Variants in AFF2 observed in about 807,000 individuals in gnomAD.
AFF2 encodes the protein AF4/FMR2 family member 2.
A neutral mutation model predicts 76.9 loss-of-function variants in AFF2; 14 were observed. The ratio of observed to expected loss-of-function variants is 0.18; its 90% CI spans 0.12 to 0.28. The LOEUF is 0.28. Among genes scored for constraint, AFF2 ranks in the 10% least tolerant of loss-of-function variants. The pLI is 1.00. For missense variants in AFF2, 868 were observed against 1,001.1 expected, an observed-to-expected ratio of 0.87 and a Z score of 1.79; for synonymous variants, 398 against 366.7, an observed-to-expected ratio of 1.09 and a Z score of -0.98.
intron 3 of AFF2, among the ~76,000 whole-genome samples, chrX:148,720,123 T>C (rs1247534722): frequency 9.0e-6 from 1 of 110,969 alleles, no homozygotes; most frequent in African/African-American, 3.3e-5. Flanking sequence ...CTCAGTGAGA[T>C]CTATGAGCAT....
At chrX:148,775,501 T>A (rs1557268472) in intron 3 of AFF2, among the ~76,000 whole-genome samples, 10 of 112,349 alleles carry the variant, frequency 8.9e-5, no homozygotes, top group Non-Finnish European at 3.8e-5. Flanking sequence ...ATGGCAAGTG[T>A]AACAAATTAC....
rs782381902 is a variant in AFF2 at position 148,661,990 on chromosome X, A to G, written c.263A>G (p.His88Arg). 2 of 1,209,702 alleles carry G rather than the reference A, an allele frequency of 1.7e-6. No homozygotes were observed. The highest frequency in any genetic ancestry group is 2.2e-5 in the Admixed American group (1 of 46,021). The change falls in exon 3 of 21, where the codon CAT (histidine) becomes CGT (arginine). Residue 88 changes from histidine (H) to arginine (R), a missense_variant. Transcript: ENST00000370460. ...YDEMKNLLTN[H>R]SNQNHLVGIP... The stretch of plus-strand genomic sequence containing the variant: ...GAAATGAAGAATTTGCTAACTAACC[A>G]TTCTAATCAGAATCACCTAGTGGGA...
chrX:148,794,863 G>A (rs1337968949), intron 3 of AFF2, among the ~76,000 whole-genome samples: 1 of 111,622 alleles, frequency 9.0e-6, no homozygotes, highest in Non-Finnish European at 1.9e-5. Context: ...TTAAACAACA[G>A]CAGCATGAAA....
chrX:148,616,103 G>A (rs549482143), intron 1 of AFF2, among the ~76,000 whole-genome samples: 42 of 111,693 alleles, frequency 3.8e-4, no homozygotes, highest in African/African-American at 1.3e-3. Flanking sequence ...TGCTTACCTT[G>A]TTCTTGTCTG....
chrX:148,737,829 C>T (rs986725765), intron 3 of AFF2, among the ~76,000 whole-genome samples: 6 of 111,157 alleles, frequency 5.4e-5, no homozygotes, highest in East Asian at 5.6e-4. Flanking sequence ...AATCATAAAG[C>T]GATGTTGGGT....
chrX:148,737,318 T>C (rs1299195910), intron 3 of AFF2, among the ~76,000 whole-genome samples: 1 of 111,715 alleles, frequency 9.0e-6, no homozygotes, highest in African/African-American at 3.3e-5. Flanking sequence ...GTTTTCCTTG[T>C]AGATGTTTTT....
intron 1 of AFF2, among the ~76,000 whole-genome samples, chrX:148,576,214 A>G (rs1354677207): frequency 8.9e-6 from 1 of 111,974 alleles, no homozygotes; most frequent in Admixed American, 9.5e-5. Flanking sequence ...TAACTGGATT[A>G]TCTGATTTCC....
At chrX:148,981,551 G>A (rs1030068130) in intron 19 of AFF2, among the ~76,000 whole-genome samples, 1 of 111,174 alleles carries the variant, frequency 9.0e-6, no homozygotes, top group East Asian at 2.8e-4. Context: ...GAGTGAGTTC[G>A]AATCCCAGTT....
At chrX:148,980,125 A>G (rs16994912) in intron 18 of AFF2, among the ~76,000 whole-genome samples, 1,571 of 112,150 alleles carry the variant, frequency 0.014, 23 homozygotes, top group African/African-American at 0.044. Flanking sequence ...AAGGAAGCCC[A>G]TCCTTTAAAC....
intron 3 of AFF2, among the ~76,000 whole-genome samples, chrX:148,665,216 A>T (rs1300499496): frequency 1.8e-5 from 2 of 112,029 alleles, no homozygotes; most frequent in Non-Finnish European, 3.8e-5. Flanking sequence ...GCTGACCCAG[A>T]TTCAGAAATG....
At chrX:148,723,056 G>A (rs241087) in intron 3 of AFF2, among the ~76,000 whole-genome samples, 28,826 of 110,650 alleles carry the variant, frequency 0.26, 4,305 homozygotes, top group African/African-American at 0.56. Context: ...GTGTACCACA[G>A]TCCCTAATTA....
chrX:148,860,541 C>G (rs781787970), intron 7 of AFF2, among the ~76,000 whole-genome samples: 5 of 111,509 alleles, frequency 4.5e-5, no homozygotes, highest in Non-Finnish European at 9.4e-5. Flanking sequence ...TAGGGCTGAG[C>G]TGTGCAGCGT....
At position 148,510,979 on chromosome X, in the gene AFF2, G is replaced by C. The variant is rs181122178; in HGVS notation, c.47+9835G>C. Among the ~76,000 whole-genome samples the C allele has an allele frequency of 2.4e-4, 27 of 112,049 alleles. No homozygotes were observed. The East Asian group carries it at 6.5e-3, about 27-fold the overall frequency. ...ATGAGCAGACAGGTGGGTACAGGTA[G>C]GTGTGTTGCCTTGCCTTCTGTACAT... is the stretch of plus-strand genomic sequence containing the variant. On this transcript the variant is annotated intron_variant, in intron 1 of 20. Coordinates refer to ENST00000370460, the MANE Select transcript of AFF2 (RefSeq NM_002025.4).
intron 9 of AFF2, among the ~76,000 whole-genome samples, chrX:148,929,252 C>A (rs1012422187): frequency 4.8e-4 from 54 of 112,493 alleles, no homozygotes; most frequent in Non-Finnish European, 6.4e-4. Flanking sequence ...GCCAGTCTAT[C>A]CAGATCTTTA....
rs1297297086 is a variant in AFF2 at position 148,953,798 on chromosome X, AACACACACACACACAGACAC to A, written c.1557+75_1557+94del. ...TGCCTGTCCCACAGGCAGCACCCTC[AACACACACACACACAGACAC>A]ACACACACACACACACACTTTCAGC... On this transcript the variant is annotated intron_variant, in intron 10 of 20. Coordinates refer to ENST00000370460, the MANE Select transcript of AFF2 (RefSeq NM_002025.4). 7 of 836,897 alleles carry A rather than the reference AACACACACACACACAGACAC, an allele frequency of 8.4e-6. No individual in the cohort carries two copies. In the South Asian group the frequency reaches 1.2e-4, roughly 14 times the overall value. The allele number at this position is 836,897 out of a possible 1,213,427, so 69.0% of individuals were successfully genotyped here.
rs147733086 is a variant in AFF2, at chrX:148,663,066, G to A, written c.1041+298G>A. Among the ~76,000 whole-genome samples, 473 of 112,463 alleles carry A rather than the reference G, an allele frequency of 4.2e-3. 4 individuals are homozygous for A. The highest frequency in any genetic ancestry group is 0.014 in the African/African-American group (449 of 30,978). On this transcript the variant is annotated intron_variant, in intron 3 of 20. Transcript: ENST00000370460. ...TAAAATACAGTTGTGGTAATACTAT[G>A]TATAAATTAATAACATTTGAGATTA...
chrX:148,617,468 T>C (rs1023096958), intron 1 of AFF2, among the ~76,000 whole-genome samples: 1 of 112,177 alleles, frequency 8.9e-6, no homozygotes, highest in African/African-American at 3.2e-5. Context: ...AGATTCTGGA[T>C]ATTAGCCCTT....
At chrX:148,694,877 G>A (rs1003731875) in intron 3 of AFF2, among the ~76,000 whole-genome samples, 2 of 97,039 alleles carry the variant, frequency 2.1e-5, no homozygotes, top group African/African-American at 3.9e-5. Context: ...GTGCAGTGGC[G>A]CGATCTCTGC....
intron 7 of AFF2, among the ~76,000 whole-genome samples, chrX:148,853,867 A>T (rs1214115409): frequency 9.0e-6 from 1 of 111,551 alleles, no homozygotes; most frequent in Non-Finnish European, 1.9e-5. Flanking sequence ...GCATTTTTCC[A>T]CTCAATTATA....
Sources: allele counts gnomAD v4.1 joint callset (sites outside exome capture counted in the v4.1 genomes callset), GRCh38; gene constraint gnomAD v4.1.1; transcripts MANE v1.5; gene names NCBI Gene and HGNC (gene_info 2026-07-23, HGNC 2026-07-21).